The following ZFHX4 variants were observed in gnomAD, a reference collection of about 807,000 sequenced individuals.
The protein encoded by ZFHX4 is zinc finger homeobox protein 4.
ZFHX4 carries 56 observed loss-of-function variants against 267.6 expected under a neutral mutation model. That is an observed-to-expected ratio of 0.21 (90% CI 0.17 to 0.26). The LOEUF (loss-of-function observed/expected upper bound fraction) is 0.26. Among genes scored for constraint, ZFHX4 ranks in the 10% least tolerant of loss-of-function variants. ZFHX4 has a pLI of 1.00. For synonymous variants in ZFHX4, 1,778 were observed against 1,665.6 expected, an observed-to-expected ratio of 1.07 and a Z score of -1.64; for missense variants, 4,332 against 4,420.0, an observed-to-expected ratio of 0.98 and a Z score of 0.56.
chr8:76,782,928 T>A (rs902460935), intron 4 of ZFHX4, among the ~76,000 whole-genome samples: 1 of 152,028 alleles, frequency 6.6e-6, no homozygotes, highest in Non-Finnish European at 1.5e-5. Flanking sequence ...AGCACTAAAG[T>A]GCAAGTTATT....
At chr8:76,826,961 G>C (rs564983577) in intron 4 of ZFHX4, among the ~76,000 whole-genome samples, 2 of 152,358 alleles carry the variant, frequency 1.3e-5, no homozygotes, top group East Asian at 3.9e-4. Flanking sequence ...GGGTGGAAGA[G>C]GGATCAGTTT....
intron 4 of ZFHX4, among the ~76,000 whole-genome samples, chr8:76,782,682 A>T (rs922411675): frequency 6.6e-6 from 1 of 152,026 alleles, no homozygotes; most frequent in Admixed American, 6.6e-5. Flanking sequence ...ATTTGGCATG[A>T]TGTCCTGCCA....
intron 5 of ZFHX4, among the ~76,000 whole-genome samples, chr8:76,837,153 A>G (rs1344863596): frequency 6.6e-6 from 1 of 152,138 alleles, no homozygotes; most frequent in Admixed American, 6.5e-5. Context: ...GGTAATGTAG[A>G]TAGAGAAAGG....
At chr8:76,835,206 G>C (rs1585992720) in intron 5 of ZFHX4, among the ~76,000 whole-genome samples, 1 of 40,874 alleles carries the variant, frequency 2.4e-5, no homozygotes, top group African/African-American at 1.8e-4. Flanking sequence ...CTTTTGCTTT[G>C]GTGTATATAT....
intron 4 of ZFHX4, among the ~76,000 whole-genome samples, chr8:76,804,514 C>T (rs913611523): frequency 6.6e-6 from 1 of 151,884 alleles, no homozygotes; most frequent in African/African-American, 2.4e-5. Flanking sequence ...TTGACTCAGT[C>T]GACAAATCTA....
chr8:76,838,571 G>A (rs979175498), intron 5 of ZFHX4, among the ~76,000 whole-genome samples: 5 of 152,154 alleles, frequency 3.3e-5, no homozygotes, highest in Admixed American at 6.5e-5. Context: ...GATCATGGAG[G>A]AGTCTAGGAA....
At chr8:76,793,115 A>G (rs1205677790) in intron 4 of ZFHX4, among the ~76,000 whole-genome samples, 2 of 152,178 alleles carry the variant, frequency 1.3e-5, no homozygotes, top group Non-Finnish European at 2.9e-5. Context: ...TACAATAACA[A>G]TGGGCATTAT....
intron 3 of ZFHX4, among the ~76,000 whole-genome samples, chr8:76,710,326 G>T (rs1808390698): frequency 2.0e-5 from 3 of 152,110 alleles, no homozygotes; most frequent in Non-Finnish European, 4.4e-5. Flanking sequence ...ATTGTGTTGA[G>T]GATTCCACCT....
chr8:76,754,419 G>C (rs1420503041), intron 3 of ZFHX4, among the ~76,000 whole-genome samples: 2 of 152,086 alleles, frequency 1.3e-5, no homozygotes, highest in Non-Finnish European at 2.9e-5. Flanking sequence ...AGACCAAGAG[G>C]TGGTGGTTGT....
At position 76,853,379 on chromosome 8, in the gene ZFHX4, C is replaced by T. The variant is rs756235178; in HGVS notation, c.6458C>T (p.Ser2153Phe). The stretch of plus-strand genomic sequence containing the variant: ...AGGGCTTATTTTGACATTAATAATT[C>T]TCCAAGTGAAGAACAGATCCAGGAA... ...ILRAYFDINN[S>F]PSEEQIQEMA... is the part of the protein sequence containing the mutation. Residue 2153 changes from serine to phenylalanine, a missense_variant, in exon 10 of 11, where the codon TCT becomes TTT. Coordinates refer to ENST00000651372, the MANE Select transcript of ZFHX4 (RefSeq NM_024721.5). 3 of 1,613,842 alleles carry T rather than the reference C, an allele frequency of 1.9e-6. No individual in the cohort carries two copies. Among genetic ancestry groups the T allele is most frequent in the Non-Finnish European group, 2.5e-6 (3 of 1,179,870 alleles).
chr8:76,860,857 C>G (rs1278810553), intron 10 of ZFHX4, among the ~76,000 whole-genome samples: 1 of 152,092 alleles, frequency 6.6e-6, no homozygotes, highest in African/African-American at 2.4e-5. Context: ...ATATATTGAA[C>G]CTTTTTCGTA....
At chr8:76,710,552 C>T (rs960399990) in intron 3 of ZFHX4, among the ~76,000 whole-genome samples, 4 of 152,138 alleles carry the variant, frequency 2.6e-5, no homozygotes, top group Non-Finnish European at 5.9e-5. Context: ...GAGTTAGTGG[C>T]TAGACAGTAA....
chr8:76,748,578 G>A (rs1563499159), intron 3 of ZFHX4, among the ~76,000 whole-genome samples: 1 of 152,102 alleles, frequency 6.6e-6, no homozygotes, highest in Non-Finnish European at 1.5e-5. Context: ...GGGGGTACAG[G>A]CACACATCAC....
At chr8:76,848,626 T>C (rs948233970) in intron 6 of ZFHX4, among the ~76,000 whole-genome samples, 6 of 152,154 alleles carry the variant, frequency 3.9e-5, no homozygotes, top group Non-Finnish European at 8.8e-5. Flanking sequence ...AAGAGATAGG[T>C]AATTAAATGT....
intron 3 of ZFHX4, among the ~76,000 whole-genome samples, chr8:76,766,220 T>G (rs1357327743): frequency 1.3e-5 from 2 of 152,070 alleles, no homozygotes; most frequent in African/African-American, 2.4e-5. Context: ...GTCAAAAATT[T>G]TATATAGGTA....
chr8:76,855,011 G>A lies in ZFHX4; in HGVS notation c.8090G>A (p.Arg2697Gln), dbSNP rs769171399. The A allele has an allele frequency of 5.0e-6, 8 of 1,613,920 alleles. No homozygotes were observed. The highest frequency in any genetic ancestry group is 1.1e-5 in the South Asian group (1 of 91,070). ...KSALESHIRS[R>Q]HWNEGKQAGY... Reference sequence around the variant, plus strand: ...GCCTTAGAAAGCCACATTCGCTCTCGGCACTGGAATGAAGGAAAGCAGGCA... The same window carrying A: ...GCCTTAGAAAGCCACATTCGCTCTCAGCACTGGAATGAAGGAAAGCAGGCA... The change falls in exon 10 of 11, where the codon CGG (arginine) becomes CAG (glutamine). Residue 2697 changes from arginine (R) to glutamine (Q), a missense_variant. Physicochemically the swap from Arg to Gln is conservative, Grantham distance 43. Coordinates refer to ENST00000651372, the MANE Select transcript of ZFHX4 (RefSeq NM_024721.5).
In ZFHX4 at chr8:76,866,957, T is replaced by C. The variant is rs1266649022; in HGVS notation, c.*2392T>C. 5.2e-5 allele frequency: 8 copies of C among 152,620 alleles called. No individual in the cohort carries two copies. The highest frequency in any genetic ancestry group is 8.8e-5 in the Non-Finnish European group (6 of 68,036). The allele number at this position is 152,620 out of a possible 1,614,324, so 9.5% of individuals were successfully genotyped here. A position where few individuals can be genotyped will look rare whatever the true frequency, so the allele number is the denominator to read the frequency against. On this transcript the variant is annotated 3_prime_UTR_variant, in exon 11 of 11. Coordinates refer to ENST00000651372, the MANE Select transcript of ZFHX4 (RefSeq NM_024721.5). ...CTACACAACATGTACTCTCAACGCC[T>C]GGGTTACATAGGAAATGCACCCTGA...
chr8:76,722,607 GT>G (rs57934650), intron 3 of ZFHX4, among the ~76,000 whole-genome samples: 15 of 144,502 alleles, frequency 1.0e-4, no homozygotes, highest in African/African-American at 1.5e-4. Flanking sequence ...CTTTTTATGT[GT>G]TTTTTTTTTG....
rs147943945 is a variant in ZFHX4 at position 76,809,423 on chromosome 8, A to C, written c.3326-23915A>C. Reference sequence around the variant, plus strand: ...ACATAGCCATGTTTTCTTTTTTTCCAGTTTGACAAAGAAAGCAGCAAATTT... The same window carrying C: ...ACATAGCCATGTTTTCTTTTTTTCCCGTTTGACAAAGAAAGCAGCAAATTT... On this transcript the variant is annotated intron_variant, in intron 4 of 10. Coordinates refer to ENST00000651372, the MANE Select transcript of ZFHX4 (RefSeq NM_024721.5). Among the ~76,000 whole-genome samples the C allele has an allele frequency of 1.6e-4, 25 of 152,224 alleles. No individual in the cohort carries two copies. In the East Asian group the frequency reaches 3.7e-3, roughly 22 times the overall value.
Sources: gnomAD v4.1 joint callset for allele counts (sites outside exome capture counted in the v4.1 genomes callset) on GRCh38, gnomAD v4.1.1 for gene constraint, MANE v1.5 for transcripts, NCBI Gene and HGNC (gene_info 2026-07-23, HGNC 2026-07-21) for gene names.